The following UNC5C variants were observed in gnomAD, a reference collection of about 807,000 sequenced individuals.
UNC5C encodes the protein unc-5 netrin receptor C.
A neutral mutation model predicts 99.8 loss-of-function variants in UNC5C; 47 were observed. That is an observed-to-expected ratio of 0.47 (90% CI 0.37 to 0.60). UNC5C has a LOEUF of 0.60. UNC5C is among the 20% of genes least tolerant of loss of function. The pLI, the probability that UNC5C is intolerant of heterozygous loss-of-function variation, is 0.00. For synonymous variants in UNC5C, 487 were observed against 452.2 expected, an observed-to-expected ratio of 1.08 and a Z score of -0.98; for missense variants, 1,062 against 1,165.9, an observed-to-expected ratio of 0.91 and a Z score of 1.30.
intron 1 of UNC5C, among the ~76,000 whole-genome samples, chr4:95,543,145 C>G (rs1251099414): frequency 2.0e-5 from 3 of 151,984 alleles, no homozygotes; most frequent in Non-Finnish European, 4.4e-5. Context: ...TAAGCAATAA[C>G]AAATCCAAGT....
At chr4:95,379,006 A>G (rs983785486) in intron 1 of UNC5C, among the ~76,000 whole-genome samples, 1 of 152,154 alleles carries the variant, frequency 6.6e-6, no homozygotes, top group Non-Finnish European at 1.5e-5. Context: ...ATTATTCCTT[A>G]CTTTGGAAGT....
chr4:95,341,846 T>C (rs1743592116), intron 1 of UNC5C, among the ~76,000 whole-genome samples: 1 of 152,096 alleles, frequency 6.6e-6, no homozygotes. Context: ...ATCTGTGTCC[T>C]TGGGGGAGGA....
At chr4:95,242,667 T>C (rs890948933) in intron 6 of UNC5C, 74 bp from the exon 7 acceptor site, 39 of 1,425,398 alleles carry the variant, frequency 2.7e-5, no homozygotes, top group Non-Finnish European at 3.2e-5. Context: ...AGCTCAAATA[T>C]AATACAACAA....
chr4:95,445,886 C>T (rs1229023301), intron 1 of UNC5C, among the ~76,000 whole-genome samples: 1 of 151,796 alleles, frequency 6.6e-6, no homozygotes, highest in East Asian at 1.9e-4. Context: ...GATGTGACTC[C>T]CTGTTATTAT....
intron 12 of UNC5C, among the ~76,000 whole-genome samples, chr4:95,200,002 A>G (rs1737591194): frequency 6.6e-6 from 1 of 152,204 alleles, no homozygotes; most frequent in Non-Finnish European, 1.5e-5. Context: ...TCAAAATTAT[A>G]TGCGCTGACC....
chr4:95,338,222 T>A (rs979286574), intron 1 of UNC5C, among the ~76,000 whole-genome samples: 9 of 152,028 alleles, frequency 5.9e-5, no homozygotes, highest in African/African-American at 2.2e-4. Flanking sequence ...GTTAACATAC[T>A]AAAAGAACAC....
At position 95,216,219 on chromosome 4, in the gene UNC5C, G is replaced by A. The variant is rs1275878007; in HGVS notation, c.1646-8C>T. The A allele has an allele frequency of 1.2e-6, 2 of 1,609,160 alleles. No homozygotes were observed. Among genetic ancestry groups the A allele is most frequent in the Non-Finnish European group, 1.7e-6 (2 of 1,178,304 alleles). ...GAATCAGCAAGCTGACTCCTGAATA[G>A]CAAAAGAGAAAAGCAGTCATTTAAG... is the stretch of plus-strand genomic sequence containing the variant. On this transcript the variant is annotated splice_region_variant and splice_polypyrimidine_tract_variant and intron_variant, in intron 9 of 15. Coordinates refer to ENST00000453304, the MANE Select transcript of UNC5C (RefSeq NM_003728.4).
At chr4:95,315,430 G>C (rs1407889219) in intron 2 of UNC5C, among the ~76,000 whole-genome samples, 1 of 151,606 alleles carries the variant, frequency 6.6e-6, no homozygotes, top group African/African-American at 2.4e-5. Flanking sequence ...GCATTACAAA[G>C]AAAAAAAAGA....
chr4:95,213,158 T>C (rs1299576382), intron 10 of UNC5C, among the ~76,000 whole-genome samples: 1 of 152,270 alleles, frequency 6.6e-6, no homozygotes, highest in East Asian at 1.9e-4. Flanking sequence ...ATTTCTAAAT[T>C]GATTTCTTCA....
chr4:95,250,338 T>G, intron 5 of UNC5C, 149 bp downstream of exon 5: 1 of 775,362 alleles, frequency 1.3e-6, no homozygotes, highest in Non-Finnish European at 2.0e-6. Flanking sequence ...TGAGCTACGG[T>G]CATGCCATTG....
At chr4:95,176,435 T>C (rs1344773313) in intron 14 of UNC5C, among the ~76,000 whole-genome samples, 2 of 152,092 alleles carry the variant, frequency 1.3e-5, no homozygotes, top group African/African-American at 2.4e-5. Flanking sequence ...TGGATGTCCT[T>C]TCTGTTTGTT....
intron 10 of UNC5C, among the ~76,000 whole-genome samples, chr4:95,213,823 A>ATCT (rs1159418008): frequency 3.9e-5 from 6 of 152,214 alleles, no homozygotes; most frequent in African/African-American, 1.4e-4. Flanking sequence ...GATAGAAAGG[A>ATCT]TCTTTAGTGA....
chr4:95,301,347 C>T (rs1304622891), intron 3 of UNC5C, among the ~76,000 whole-genome samples: 1 of 152,012 alleles, frequency 6.6e-6, no homozygotes, highest in Admixed American at 6.6e-5. Flanking sequence ...AGGCGCCTGC[C>T]ACCATGCCCG....
chr4:95,517,049 G>A (rs1356058288), intron 1 of UNC5C, among the ~76,000 whole-genome samples: 1 of 152,064 alleles, frequency 6.6e-6, no homozygotes, highest in Non-Finnish European at 1.5e-5. Context: ...GTAAACTAGG[G>A]ATAACATCAA....
At chr4:95,300,601 T>C (rs1741830920) in intron 3 of UNC5C, among the ~76,000 whole-genome samples, 1 of 152,228 alleles carries the variant, frequency 6.6e-6, no homozygotes, top group Non-Finnish European at 1.5e-5. Flanking sequence ...AGGAATGATA[T>C]ATGCCATTGT....
At chr4:95,280,267 T>A (rs1741008507) in intron 3 of UNC5C, among the ~76,000 whole-genome samples, 1 of 152,150 alleles carries the variant, frequency 6.6e-6, no homozygotes, top group Non-Finnish European at 1.5e-5. Context: ...CTCAAGATTA[T>A]AAAGGTTGTG....
At chr4:95,290,769 T>G (rs1245627432) in intron 3 of UNC5C, among the ~76,000 whole-genome samples, 2 of 152,234 alleles carry the variant, frequency 1.3e-5, no homozygotes, top group East Asian at 3.8e-4. Flanking sequence ...TCCTGTTGTT[T>G]TATAACCGCA....
At chr4:95,373,785 C>T (rs2621458) in intron 1 of UNC5C, among the ~76,000 whole-genome samples, 95,992 of 152,044 alleles carry the variant, frequency 0.63, 31,911 homozygotes, top group African/African-American at 0.84. Context: ...AAGGGGGTGG[C>T]GAGCTTCCAT....
At chr4:95,299,039 G>T (rs1741773812) in intron 3 of UNC5C, among the ~76,000 whole-genome samples, 1 of 152,144 alleles carries the variant, frequency 6.6e-6, no homozygotes, top group African/African-American at 2.4e-5. Flanking sequence ...AGTTGTTATT[G>T]GCTGAACTAC....
Sources: gnomAD v4.1 joint callset for allele counts (sites outside exome capture counted in the v4.1 genomes callset) on GRCh38, gnomAD v4.1.1 for gene constraint, MANE v1.5 for transcripts, NCBI Gene and HGNC (gene_info 2026-07-23, HGNC 2026-07-21) for gene names.